Variants in ADAMTS6 observed in about 807,000 individuals in gnomAD.
ADAMTS6 encodes the protein ADAM metallopeptidase with thrombospondin type 1 motif 6.
Under a neutral mutation model 144.3 loss-of-function variants are expected in ADAMTS6, and 23 were observed. The ratio of observed to expected loss-of-function variants is 0.16; its 90% CI spans 0.11 to 0.23. The LOEUF (loss-of-function observed/expected upper bound fraction) is 0.23. Among genes scored for constraint, ADAMTS6 ranks in the 10% least tolerant of loss-of-function variants. The pLI is 1.00. For synonymous variants in ADAMTS6, 444 were observed against 457.5 expected, an observed-to-expected ratio of 0.97 and a Z score of 0.38; for missense variants, 999 against 1,379.6, an observed-to-expected ratio of 0.72 and a Z score of 4.37.
At chr5:65,321,936 A>C (rs903611599) in intron 9 of ADAMTS6, among the ~76,000 whole-genome samples, 1 of 151,566 alleles carries the variant, frequency 6.6e-6, no homozygotes, top group Non-Finnish European at 1.5e-5. Context: ...GGCTGGTCTC[A>C]AACTCCTGAC....
chr5:65,251,377 A>T (rs1171489549), intron 14 of ADAMTS6: 1 of 152,416 alleles, frequency 6.6e-6, no homozygotes, highest in East Asian at 1.9e-4. Context: ...CAGGTTCCAG[A>T]AGGCCATGTC....
At chr5:65,233,899 TC>T (rs1443998774) in intron 15 of ADAMTS6, among the ~76,000 whole-genome samples, 2 of 151,832 alleles carry the variant, frequency 1.3e-5, no homozygotes, top group African/African-American at 2.4e-5. Context: ...CCTGTAGCAA[TC>T]AGAACAGTAT....
At chr5:65,322,210 C>A (rs1405870262) in intron 9 of ADAMTS6, among the ~76,000 whole-genome samples, 1 of 152,134 alleles carries the variant, frequency 6.6e-6, no homozygotes, top group African/African-American at 2.4e-5. Context: ...GTTCTCTATT[C>A]TGTTCCATTG....
Position 65,239,658 on chromosome 5 carries a change from A to G in ADAMTS6, c.1933+2446T>C, listed in dbSNP as rs1012107112. 2.6e-5 allele frequency among the ~76,000 whole-genome samples: 4 copies of G among 152,220 alleles called. 1 individual carries two copies. The East Asian group carries it at 7.7e-4, about 29-fold the overall frequency. On this transcript the variant is annotated intron_variant, in intron 15 of 24. Coordinates refer to ENST00000381055, the MANE Select transcript of ADAMTS6 (RefSeq NM_197941.4). The stretch of plus-strand genomic sequence containing the variant: ...GACAAAACATTTGTAAAACTTATAA[A>G]TGACTACCACTTGAGAAGGTAAAAC...
At chr5:65,380,281 T>C (rs1483679344) in intron 7 of ADAMTS6, among the ~76,000 whole-genome samples, 1 of 151,902 alleles carries the variant, frequency 6.6e-6, no homozygotes, top group Non-Finnish European at 1.5e-5. Context: ...CCTTTAAAAA[T>C]ATACTGGGGG....
rs980720013 is a variant in ADAMTS6 at position 65,418,646 on chromosome 5, T to C, written c.1073+32829A>G. Among the ~76,000 whole-genome samples, 3 of 152,116 alleles carry C rather than the reference T, an allele frequency of 2.0e-5. 1 individual carries two copies. In the South Asian group the frequency reaches 6.2e-4, roughly 32 times the overall value. On this transcript the variant is annotated intron_variant, in intron 7 of 24. Transcript: ENST00000381055. ...AGAATGGAAGAAAATATTTGCAAAC[T>C]ATGCATCCAAGACAGGTCTAATATC...
chr5:65,166,324 G>A (rs1753153504), intron 24 of ADAMTS6, among the ~76,000 whole-genome samples: 1 of 94,320 alleles, frequency 1.1e-5, no homozygotes. Flanking sequence ...TTCAACAAGA[G>A]GAGCTAACTA....
At chr5:65,411,030 G>T (rs1038281114) in intron 7 of ADAMTS6, among the ~76,000 whole-genome samples, 3 of 152,016 alleles carry the variant, frequency 2.0e-5, no homozygotes, top group African/African-American at 4.8e-5. Flanking sequence ...GTAGAAACGG[G>T]TCTTGCCATG....
At chr5:65,425,954 G>A (rs1260560179) in intron 7 of ADAMTS6, among the ~76,000 whole-genome samples, 1 of 151,082 alleles carries the variant, frequency 6.6e-6, no homozygotes. Flanking sequence ...TAGTAGAGAC[G>A]GGATTTCACC....
At chr5:65,297,481 C>A (rs1412054668) in intron 10 of ADAMTS6, among the ~76,000 whole-genome samples, 1 of 152,166 alleles carries the variant, frequency 6.6e-6, no homozygotes, top group Non-Finnish European at 1.5e-5. Flanking sequence ...GGCTGGGCTG[C>A]AGTTCCTAAA....
At chr5:65,377,729 A>T (rs1392494726) in intron 7 of ADAMTS6, among the ~76,000 whole-genome samples, 1 of 152,240 alleles carries the variant, frequency 6.6e-6, no homozygotes, top group Non-Finnish European at 1.5e-5. Flanking sequence ...ATGAAAGAAT[A>T]GCACCAGCAT....
chr5:65,342,139 A>C (rs1181563458), intron 7 of ADAMTS6, among the ~76,000 whole-genome samples: 2 of 152,152 alleles, frequency 1.3e-5, no homozygotes, highest in Admixed American at 1.3e-4. Context: ...AAAATTCAAT[A>C]TTGTTTAATG....
chr5:65,457,384 G>C (rs1352009336), intron 4 of ADAMTS6, among the ~76,000 whole-genome samples: 1 of 152,140 alleles, frequency 6.6e-6, no homozygotes, highest in African/African-American at 2.4e-5. Flanking sequence ...GAACACTTTA[G>C]GAAATTCTCA....
At chr5:65,225,079 A>G (rs1395262076) in intron 16 of ADAMTS6, 32 bp from the exon 17 acceptor site, 2 of 1,596,240 alleles carry the variant, frequency 1.3e-6, no homozygotes, top group Non-Finnish European at 1.7e-6. Flanking sequence ...CAGTGTGTCA[A>G]GAGAGAAATT....
At chr5:65,279,409 C>T (rs187925972) in intron 11 of ADAMTS6, among the ~76,000 whole-genome samples, 35 of 152,214 alleles carry the variant, frequency 2.3e-4, no homozygotes, top group African/African-American at 7.0e-4. Context: ...CTCCGCCTCC[C>T]GGGTTCAAGC....
intron 14 of ADAMTS6, among the ~76,000 whole-genome samples, chr5:65,246,441 T>C (rs1759635703): frequency 6.6e-6 from 1 of 152,092 alleles, no homozygotes; most frequent in South Asian, 2.1e-4. Flanking sequence ...CCAAATAGAT[T>C]AGAGTTCTGC....
chr5:65,371,461 C>T (rs1750904280), intron 7 of ADAMTS6, among the ~76,000 whole-genome samples: 1 of 151,982 alleles, frequency 6.6e-6, no homozygotes, highest in South Asian at 2.1e-4. Flanking sequence ...GGCTCGAGAA[C>T]TACGTGAAGA....
intron 7 of ADAMTS6, among the ~76,000 whole-genome samples, chr5:65,407,289 G>A (rs1374975272): frequency 1.3e-5 from 2 of 151,908 alleles, no homozygotes; most frequent in African/African-American, 2.4e-5. Context: ...CAGATCTCTC[G>A]GCAGAAACTC....
intron 9 of ADAMTS6, among the ~76,000 whole-genome samples, chr5:65,307,228 G>A (rs767731992): frequency 7.2e-5 from 11 of 152,174 alleles, no homozygotes; most frequent in Non-Finnish European, 1.3e-4. Context: ...CAAAGTGGCT[G>A]TTAATAATAA....
Sources: gnomAD v4.1 joint callset for allele counts (sites outside exome capture counted in the v4.1 genomes callset) on GRCh38, gnomAD v4.1.1 for gene constraint, MANE v1.5 for transcripts, NCBI Gene and HGNC (gene_info 2026-07-23, HGNC 2026-07-21) for gene names.